The following LPGAT1 variants were observed in gnomAD, a reference collection of about 807,000 sequenced individuals.
LPGAT1 encodes acyl-CoA:lysophosphatidylglycerol acyltransferase 1.
In LPGAT1, 11 loss-of-function variants were observed where a neutral mutation model predicts 47.5. That is an observed-to-expected ratio of 0.23 (90% CI 0.15 to 0.38). The LOEUF (loss-of-function observed/expected upper bound fraction) is 0.38, where lower values mean the gene tolerates loss of function less well. Ranked by LOEUF, LPGAT1 falls within the 10% of genes least tolerant of loss-of-function variation. LPGAT1 has a pLI of 1.00. For missense variants in LPGAT1, 293 were observed against 439.0 expected, an observed-to-expected ratio of 0.67 and a Z score of 2.97; for synonymous variants, 138 against 144.2, an observed-to-expected ratio of 0.96 and a Z score of 0.31.
intron 6 of LPGAT1, among the ~76,000 whole-genome samples, chr1:211,773,790 A>C (rs1318270175): frequency 6.6e-6 from 1 of 152,198 alleles, no homozygotes; most frequent in African/African-American, 2.4e-5. Context: ...TTCCAGTTTG[A>C]TAGAAATAAA....
intron 6 of LPGAT1, among the ~76,000 whole-genome samples, chr1:211,764,593 T>A (rs576417556): frequency 1.3e-5 from 2 of 152,210 alleles, no homozygotes; most frequent in Non-Finnish European, 2.9e-5. Flanking sequence ...TAAGCCATTA[T>A]CCTGAGCTAA....
chr1:211,826,648 T>C (rs1429988079), intron 2 of LPGAT1, among the ~76,000 whole-genome samples: 1 of 139,102 alleles, frequency 7.2e-6, no homozygotes, highest in Non-Finnish European at 1.5e-5. Context: ...TTACACGGAA[T>C]GTCATAATTT....
chr1:211,830,358 A>T lies in LPGAT1; in HGVS notation c.-28+215T>A. Reference sequence around the variant, plus strand: ...GCGGACAGAGGGACGGCGGGGACTCAGAGGCCGGACCTGTCACCCGGGCGG... The same window carrying T: ...GCGGACAGAGGGACGGCGGGGACTCTGAGGCCGGACCTGTCACCCGGGCGG... On this transcript the variant is annotated intron_variant, in intron 1 of 7. Coordinates refer to ENST00000366997, the MANE Select transcript of LPGAT1 (RefSeq NM_014873.3). The surrounding 1 kb of genome is among the most constrained non-coding windows in gnomAD (Gnocchi z 5.9). 1 of 1,151,344 alleles carries T rather than the reference A, an allele frequency of 8.7e-7. No individual in the cohort carries two copies. The highest frequency in any genetic ancestry group is 1.1e-6 in the Non-Finnish European group (1 of 936,510). 71.3% of individuals were successfully genotyped at this position (1,151,344 alleles called of 1,614,324 possible).
chr1:211,784,710 G>C (rs1467681893), intron 4 of LPGAT1, among the ~76,000 whole-genome samples: 1 of 151,404 alleles, frequency 6.6e-6, no homozygotes, highest in Non-Finnish European at 1.5e-5. Context: ...GAGGGAAAGA[G>C]AGAAAAGAAG....
At chr1:211,761,848 T>C (rs1286774642) in intron 6 of LPGAT1, among the ~76,000 whole-genome samples, 5 of 152,222 alleles carry the variant, frequency 3.3e-5, no homozygotes, top group Non-Finnish European at 7.4e-5. Flanking sequence ...TGTTCATAGT[T>C]ACTACTGCAC....
At chr1:211,805,014 T>C (rs1659700288) in intron 2 of LPGAT1, among the ~76,000 whole-genome samples, 1 of 151,626 alleles carries the variant, frequency 6.6e-6, no homozygotes, top group Non-Finnish European at 1.5e-5. Flanking sequence ...AACTTAAAAT[T>C]GGGGGGATGT....
At chr1:211,801,307 C>T (rs985212195) in intron 2 of LPGAT1, among the ~76,000 whole-genome samples, 1 of 152,182 alleles carries the variant, frequency 6.6e-6, no homozygotes, top group African/African-American at 2.4e-5. Flanking sequence ...CCTTTCCTTC[C>T]ATTAGTTTCC....
At position 211,748,363 on chromosome 1, in the gene LPGAT1, A is replaced by G. The variant is rs909967346; in HGVS notation, c.*1536T>C. 1.3e-5 allele frequency: 2 copies of G among 152,256 alleles called. No homozygotes were observed. The highest frequency in any genetic ancestry group is 2.9e-5 in the Non-Finnish European group (2 of 68,042). 9.4% of individuals were successfully genotyped at this position (152,256 alleles called of 1,614,324 possible). ...CAAATTTCTAAAAAATGTTTTCTAG[A>G]AATAGAAACTTGACTTTACCCTCTT... On this transcript the variant is annotated 3_prime_UTR_variant, in exon 8 of 8. Transcript: ENST00000366997.
At chr1:211,819,583 A>G (rs1425939680) in intron 2 of LPGAT1, among the ~76,000 whole-genome samples, 5 of 152,184 alleles carry the variant, frequency 3.3e-5, no homozygotes, top group Non-Finnish European at 7.4e-5. Flanking sequence ...CAAGGCATAC[A>G]ATCTATGCTG....
At chr1:211,827,501 T>C (rs928150649) in intron 2 of LPGAT1, among the ~76,000 whole-genome samples, 5 of 152,234 alleles carry the variant, frequency 3.3e-5, no homozygotes, top group African/African-American at 9.6e-5. Context: ...AACATTTCAG[T>C]AATTTCATTT....
chr1:211,807,940 T>TA (rs962956123), intron 2 of LPGAT1, among the ~76,000 whole-genome samples: 4 of 152,082 alleles, frequency 2.6e-5, no homozygotes, highest in South Asian at 2.1e-4. Flanking sequence ...CCAATTTTTT[T>TA]AAAAAAATCA....
chr1:211,802,870 G>A (rs938306039), intron 2 of LPGAT1: 3 of 151,998 alleles, frequency 2.0e-5, no homozygotes, highest in Non-Finnish European at 2.9e-5. Context: ...TCAAAGAGAA[G>A]AGCCAACAAA....
intron 2 of LPGAT1, among the ~76,000 whole-genome samples, chr1:211,799,051 T>C (rs1029098049): frequency 6.6e-6 from 1 of 152,164 alleles, no homozygotes; most frequent in Non-Finnish European, 1.5e-5. Context: ...AACCTCCTAA[T>C]ACATACTTCT....
In LPGAT1 at chr1:211,769,971, T is replaced by C. The variant is rs547161573; in HGVS notation, c.854+8947A>G. 3.3e-5 allele frequency among the ~76,000 whole-genome samples: 5 copies of C among 152,296 alleles called. No individual in the cohort carries two copies. In the South Asian group the frequency reaches 1.0e-3, roughly 32 times the overall value. On this transcript the variant is annotated intron_variant, in intron 6 of 7. Transcript: ENST00000366997. Reference sequence around the variant, plus strand: ...GCCCCTACTCAAGATGGAGTTGCTCTGGTTCAAATGCCTCTGACAAGAGGA... The same window carrying C: ...GCCCCTACTCAAGATGGAGTTGCTCCGGTTCAAATGCCTCTGACAAGAGGA...
At chr1:211,761,247 T>G (rs1308165285) in intron 6 of LPGAT1, among the ~76,000 whole-genome samples, 1 of 152,206 alleles carries the variant, frequency 6.6e-6, no homozygotes, top group Non-Finnish European at 1.5e-5. Flanking sequence ...CAAGCAAATG[T>G]CTGCCAATCT....
chr1:211,744,278 G>A lies in LPGAT1; in HGVS notation c.*5621C>T, dbSNP rs1351725556. The A allele has an allele frequency of 6.6e-6, 1 of 152,132 alleles. No individual in the cohort carries two copies. Among genetic ancestry groups the A allele is most frequent in the Non-Finnish European group, 1.5e-5 (1 of 68,024 alleles). The allele number at this position is 152,132 out of a possible 1,614,324, so 9.4% of individuals were successfully genotyped here. On this transcript the variant is annotated 3_prime_UTR_variant, in exon 8 of 8. Transcript: ENST00000366997. The stretch of plus-strand genomic sequence containing the variant: ...CCCCTACTGATTCCCAAGACCCAGT[G>A]GTCACATTTTAGAATTTTGCCTGCA...
rs11119805 is a variant in LPGAT1 at position 211,744,902 on chromosome 1, T to A, written c.*4997A>T. ...AACTGCCACAGTGTGCTTTAAGTAC[T>A]TGCCTGCAGATATTAATGCCCAAAT... On this transcript the variant is annotated 3_prime_UTR_variant, in exon 8 of 8. Transcript: ENST00000366997. The A allele has an allele frequency of 0.13, 19,809 of 152,680 alleles. 1,354 individuals carry two copies. The highest frequency in any genetic ancestry group is 0.21 in the South Asian group (1,007 of 4,818). 9.5% of individuals were successfully genotyped at this position (152,680 alleles called of 1,614,324 possible). A position where few individuals can be genotyped will look rare whatever the true frequency, so the allele number is the denominator to read the frequency against.
chr1:211,784,026 T>C (rs1429838220), intron 4 of LPGAT1, among the ~76,000 whole-genome samples: 1 of 152,172 alleles, frequency 6.6e-6, no homozygotes, highest in Non-Finnish European at 1.5e-5. Flanking sequence ...CATGTGAAGA[T>C]GCAAGCCATA....
intron 2 of LPGAT1, among the ~76,000 whole-genome samples, chr1:211,807,598 A>C (rs1365279915): frequency 1.3e-5 from 2 of 152,136 alleles, no homozygotes; most frequent in Non-Finnish European, 2.9e-5. Context: ...CCTGAAATAG[A>C]CTACGTAAGT....
Sources: gnomAD v4.1 joint callset for allele counts (sites outside exome capture counted in the v4.1 genomes callset) on GRCh38, gnomAD v4.1.1 for gene constraint, Gnocchi (gnomAD v3.1) non-coding constraint, MANE v1.5 for transcripts, NCBI Gene and HGNC (gene_info 2026-07-23, HGNC 2026-07-21) for gene names.